The following ANKRD12 variants were observed in gnomAD, a reference collection of about 807,000 sequenced individuals.
ANKRD12 encodes the protein ankyrin repeat domain 12.
Under a neutral mutation model 183.4 loss-of-function variants are expected in ANKRD12, and 85 were observed. That is an observed-to-expected ratio of 0.46 (90% CI 0.39 to 0.56). The LOEUF is 0.56. ANKRD12 is among the 20% of genes least tolerant of loss of function. The pLI is 0.00. For missense variants in ANKRD12, 2,405 were observed against 2,357.1 expected (o/e 1.02, Z -0.42); for synonymous variants, 914 against 800.2 (o/e 1.14, Z -2.40).
rs540209065 is a variant in ANKRD12 at position 9,267,135 on chromosome 18, G to C, written c.5763+3247G>C. ...CATAAAGCAAGTCCTTAGAGACCTA[G>C]AAAGAGACTTAGATTCCCACACAAT... On this transcript the variant is annotated intron_variant, in intron 10 of 12. Transcript: ENST00000262126. Among the ~76,000 whole-genome samples the C allele has an allele frequency of 1.8e-4, 27 of 152,212 alleles. No homozygotes were observed. In the South Asian group the frequency reaches 5.4e-3, roughly 30 times the overall value.
intron 8 of ANKRD12, among the ~76,000 whole-genome samples, chr18:9,239,968 CAAGAT>C (rs1407317468): frequency 6.6e-6 from 1 of 152,154 alleles, no homozygotes; most frequent in Non-Finnish European, 1.5e-5. Flanking sequence ...TACCAGCCCT[CAAGAT>C]AAGGAGCTTG....
At chr18:9,167,075 T>C (rs995482924) in intron 1 of ANKRD12, among the ~76,000 whole-genome samples, 3 of 152,150 alleles carry the variant, frequency 2.0e-5, no homozygotes, top group Non-Finnish European at 4.4e-5. Context: ...CATTGGTCTA[T>C]ATCTCTGTTT....
At chr18:9,208,938 G>A in intron 5 of ANKRD12, 135 bp downstream of exon 5, 1 of 884,496 alleles carries the variant, frequency 1.1e-6, no homozygotes, top group Non-Finnish European at 1.6e-6. Flanking sequence ...TTGTAAGTCA[G>A]TGGTAATTTT....
intron 8 of ANKRD12, 150 bp from the exon 9 acceptor site, chr18:9,254,061 A>G (rs2038452829): frequency 4.3e-6 from 4 of 921,776 alleles, no homozygotes; most frequent in African/African-American, 3.5e-5. Context: ...ACACATTGCT[A>G]TTACATTATT....
chr18:9,167,493 T>A (rs908529918), intron 1 of ANKRD12, among the ~76,000 whole-genome samples: 27 of 152,164 alleles, frequency 1.8e-4, no homozygotes, highest in Non-Finnish European at 2.9e-5. Flanking sequence ...TGAATGGGAG[T>A]TCACTCATGA....
At position 9,263,961 on chromosome 18, in the gene ANKRD12, T is replaced by C. The variant is rs181155629; in HGVS notation, c.5763+73T>C. The C allele has an allele frequency of 2.7e-5, 31 of 1,143,704 alleles. No individual in the cohort carries two copies. The Admixed American group carries it at 2.8e-4, about 10-fold the overall frequency. The allele number at this position is 1,143,704 out of a possible 1,614,324, so 70.8% of individuals were successfully genotyped here. ...AGCAATAAATTAAAATGGCCTATAATTTTTTATTAGTGGATTTTTAAAATT... is the reference window on the plus strand; with the variant it reads ...AGCAATAAATTAAAATGGCCTATAACTTTTTATTAGTGGATTTTTAAAATT... On this transcript the variant is annotated intron_variant, in intron 10 of 12. Transcript: ENST00000262126.
chr18:9,213,798 GT>G (rs941221859), intron 6 of ANKRD12, among the ~76,000 whole-genome samples: 2 of 151,640 alleles, frequency 1.3e-5, no homozygotes, highest in African/African-American at 4.8e-5. Context: ...GTTTATTTTA[GT>G]TAAAATAAGT....
chr18:9,277,452 C>T (rs1046473619), intron 11 of ANKRD12, among the ~76,000 whole-genome samples: 2 of 151,268 alleles, frequency 1.3e-5, no homozygotes, highest in African/African-American at 2.4e-5. Context: ...CTCAGCCTCC[C>T]GAGTAGCTGG....
intron 9 of ANKRD12, among the ~76,000 whole-genome samples, chr18:9,261,357 C>T (rs2038955534): frequency 6.6e-6 from 1 of 152,182 alleles, no homozygotes; most frequent in Non-Finnish European, 1.5e-5. Context: ...GCAGAACTTA[C>T]CAGAACCTTT....
At position 9,255,105 on chromosome 18, in the gene ANKRD12, A is replaced by T. The variant is rs2038522615; in HGVS notation, c.1838A>T (p.His613Leu). Residue 613 changes from histidine to leucine, a missense_variant, in exon 9 of 13, where the codon CAC becomes CTC. By Grantham distance (99) the His-to-Leu change is moderately conservative. This residue lies in a region of ANKRD12 where 1,983 missense variants were observed against 1,725.9 expected (regional missense o/e 1.15). Coordinates refer to ENST00000262126, the MANE Select transcript of ANKRD12 (RefSeq NM_015208.5). ...KEKSKHQKDF[H>L]LEFGEKSNAK... Reference sequence around the variant, plus strand: ...AAAAGCAAACATCAGAAAGATTTCCACTTAGAATTTGGTGAAAAATCAAAT... The same window carrying T: ...AAAAGCAAACATCAGAAAGATTTCCTCTTAGAATTTGGTGAAAAATCAAAT... The T allele has an allele frequency of 6.3e-7, 1 of 1,578,774 alleles. No individual in the cohort carries two copies.
At chr18:9,160,474 A>G (rs540512153) in intron 1 of ANKRD12, among the ~76,000 whole-genome samples, 11 of 152,290 alleles carry the variant, frequency 7.2e-5, no homozygotes, top group South Asian at 2.1e-4. Flanking sequence ...ATGTGCAGCT[A>G]TTGCCACTGC....
chr18:9,202,884 T>A (rs2144527539), intron 3 of ANKRD12, among the ~76,000 whole-genome samples: 1 of 152,254 alleles, frequency 6.6e-6, no homozygotes, highest in South Asian at 2.1e-4. Flanking sequence ...AGCCAAAGAG[T>A]GTGTGGGGTC....
intron 1 of ANKRD12, among the ~76,000 whole-genome samples, chr18:9,146,102 A>G (rs1192604637): frequency 6.6e-6 from 1 of 152,202 alleles, no homozygotes; most frequent in Non-Finnish European, 1.5e-5. Context: ...TTTGCTGTAG[A>G]ACTCTTAGAT....
At chr18:9,193,075 A>G (rs1193092200) in intron 2 of ANKRD12, among the ~76,000 whole-genome samples, 1 of 151,388 alleles carries the variant, frequency 6.6e-6, no homozygotes, top group Non-Finnish European at 1.5e-5. Flanking sequence ...CATATATTCC[A>G]AGGAAATTAC....
chr18:9,259,370 C>CGT (rs2038830116), intron 9 of ANKRD12: 1 of 150,898 alleles, frequency 6.6e-6, no homozygotes, highest in South Asian at 2.1e-4. Context: ...AACACATTTA[C>CGT]GTGTTTAACA....
rs148426129 is a variant in ANKRD12, at chr18:9,253,953, G to T, written c.944-258G>T. On this transcript the variant is annotated intron_variant, in intron 8 of 12. Transcript: ENST00000262126. ...ACTATGTTTTTATACTATATATTGT[G>T]ATTTTAACATATACTGTGCTTTTAG... Among the ~76,000 whole-genome samples the T allele has an allele frequency of 6.2e-3, 947 of 152,240 alleles. 10 individuals carry two copies. Among genetic ancestry groups the T allele is most frequent in the African/African-American group, 0.021 (889 of 41,544 alleles).
At chr18:9,200,817 A>C (rs939292599) in intron 3 of ANKRD12, among the ~76,000 whole-genome samples, 4 of 152,244 alleles carry the variant, frequency 2.6e-5, no homozygotes, top group African/African-American at 9.6e-5. Flanking sequence ...TGCAGTAAGA[A>C]GGCCAGGTAT....
chr18:9,238,492 CTA>C (rs2037473482), intron 8 of ANKRD12, among the ~76,000 whole-genome samples: 1 of 152,188 alleles, frequency 6.6e-6, no homozygotes, highest in African/African-American at 2.4e-5. Context: ...TCTTCGTGTT[CTA>C]TCTTAATTAG....
intron 8 of ANKRD12, among the ~76,000 whole-genome samples, chr18:9,241,249 A>T (rs796275625): frequency 4.6e-5 from 7 of 152,306 alleles, no homozygotes; most frequent in African/African-American, 1.7e-4. Context: ...GATGATCGGG[A>T]ATCTAGACTT....
Sources: gnomAD v4.1 joint callset for allele counts (sites outside exome capture counted in the v4.1 genomes callset) on GRCh38, gnomAD v4.1.1 for gene constraint, gnomAD v4.1.1 regional missense constraint, MANE v1.5 for transcripts, NCBI Gene and HGNC (gene_info 2026-07-23, HGNC 2026-07-21) for gene names.